Variants in SCN1A observed in about 807,000 individuals in gnomAD.
The protein encoded by SCN1A is sodium channel protein type 1 subunit alpha.
In SCN1A, 13 loss-of-function variants were observed where a neutral mutation model predicts 193.7. That is an observed-to-expected ratio of 0.07 (90% CI 0.04 to 0.11). The LOEUF (loss-of-function observed/expected upper bound fraction) is 0.11, where lower values mean the gene tolerates loss of function less well. Ranked by LOEUF, SCN1A falls within the 10% of genes least tolerant of loss-of-function variation. SCN1A has a pLI of 1.00. For missense variants in SCN1A, 1,432 were observed against 2,451.1 expected (o/e 0.58, Z 8.78); for synonymous variants, 781 against 843.6 (o/e 0.93, Z 1.29).
At position 165,985,895 on chromosome 2, in the gene SCN1A, C is replaced by T. The variant is rs1688580274; in HGVS notation, c.*5350G>A. On this transcript the variant is annotated 3_prime_UTR_variant, in exon 29 of 29. Transcript: ENST00000674923. The stretch of plus-strand genomic sequence containing the variant: ...ACATGAAGAATATGCAATTACCAGA[C>T]ATATTTGCTGTCTTTAGTGCGACAA... 6.6e-6 allele frequency: 1 copy of T among 152,078 alleles called. No individual in the cohort carries two copies. The highest frequency in any genetic ancestry group is 1.5e-5 in the Non-Finnish European group (1 of 67,990). 9.4% of individuals were successfully genotyped at this position (152,078 alleles called of 1,614,324 possible). A position where few individuals can be genotyped will look rare whatever the true frequency, so the allele number is the denominator to read the frequency against.
At chr2:165,999,319 C>T (rs925269278) in intron 25 of SCN1A, among the ~76,000 whole-genome samples, 3 of 151,288 alleles carry the variant, frequency 2.0e-5, no homozygotes, top group Admixed American at 6.6e-5. Context: ...GAACAATATC[C>T]ATAACTTTTC....
chr2:166,094,306 A>C (rs1687143996), intron 2 of SCN1A, among the ~76,000 whole-genome samples: 1 of 152,210 alleles, frequency 6.6e-6, no homozygotes, highest in African/African-American at 2.4e-5. Flanking sequence ...TGAGCCACTT[A>C]ATGAGTTGAG....
intron 2 of SCN1A, among the ~76,000 whole-genome samples, chr2:166,090,029 CTTTTTTTTTT>C (rs545740675): frequency 0.013 from 935 of 71,416 alleles, 8 homozygotes; most frequent in African/African-American, 0.041. Context: ...TCCTTCTTTC[CTTTTTTTTTT>C]TTTTTTTTTT....
intron 2 of SCN1A, among the ~76,000 whole-genome samples, chr2:166,095,899 T>C (rs1687324076): frequency 6.6e-6 from 1 of 152,208 alleles, no homozygotes; most frequent in African/African-American, 2.4e-5. Flanking sequence ...TAATATATTT[T>C]TCCAGGATGT....
At chr2:166,020,370 G>T (rs1034745888) in intron 19 of SCN1A, among the ~76,000 whole-genome samples, 2 of 152,032 alleles carry the variant, frequency 1.3e-5, no homozygotes, top group Non-Finnish European at 2.9e-5. Context: ...CATTCTAATG[G>T]ACTTACTTAC....
At chr2:166,102,873 TA>T (rs1310265101) in intron 2 of SCN1A, among the ~76,000 whole-genome samples, 2 of 152,146 alleles carry the variant, frequency 1.3e-5, no homozygotes, top group Non-Finnish European at 2.9e-5. Context: ...CAGCCATAAA[TA>T]AGAACAAAAG....
intron 20 of SCN1A, among the ~76,000 whole-genome samples, chr2:166,015,362 G>A (rs543648769): frequency 7.9e-5 from 12 of 151,920 alleles, no homozygotes; most frequent in African/African-American, 2.9e-4. Context: ...AAAAATATAA[G>A]TTAGAAGTTT....
At chr2:166,129,069 C>G (rs1691524142), upstream of SCN1A, among the ~76,000 whole-genome samples, 1 of 152,062 alleles carries the variant, frequency 6.6e-6, no homozygotes, top group Non-Finnish European at 1.5e-5. Flanking sequence ...TATCATTTAT[C>G]AATATAACCT....
rs1434950269 is a variant in SCN1A, at chr2:166,043,727, G to A, written c.1985C>T (p.Ser662Leu). The change falls in exon 14 of 29, where the codon TCG (serine) becomes TTG (leucine). Residue 662 changes from serine (S) to leucine (L), a missense_variant. Around this residue, in one of 18 missense-constraint regions of SCN1A, gnomAD observed 316 missense variants for 362.1 expected, o/e 0.87. Transcript: ENST00000674923. Reference sequence around the variant, plus strand: ...CTCTGGCAGAAGCTGTCCAACAGGCGATGTAGGAACTGAAGGTCCACCAAC... The same window carrying A: ...CTCTGGCAGAAGCTGTCCAACAGGCAATGTAGGAACTGAAGGTCCACCAAC... Reference protein sequence around the residue: ...SLVGGPSVPTSPVGQLLPEVI... With the variant: ...SLVGGPSVPTLPVGQLLPEVI... The A allele has an allele frequency of 7.4e-6, 12 of 1,613,966 alleles. No individual in the cohort carries two copies. The highest frequency in any genetic ancestry group is 3.3e-5 in the South Asian group (3 of 91,078).
rs773462315 is a variant in SCN1A at position 166,015,684 on chromosome 2, T to C, written c.3473A>G (p.Asp1158Gly). ...SSSSSEGSTV[D>G]IGAPVEEQPV... ...CTGTTCTTCTACAGGTGCGCCGATG[T>C]CCACAGTGCTACCTTCTGATGAGCT... is the stretch of plus-strand genomic sequence containing the variant. Residue 1158 changes from aspartate (D) to glycine (G), a missense_variant, in exon 20 of 29, where the codon GAC becomes GGC. Physicochemically the swap from Asp to Gly is moderately conservative, Grantham distance 94. Coordinates refer to ENST00000674923, the MANE Select transcript of SCN1A (RefSeq NM_001165963.4). 4 of 1,612,828 alleles carry C rather than the reference T, an allele frequency of 2.5e-6. No individual in the cohort carries two copies. The African/African-American group carries it at 5.3e-5, about 22-fold the overall frequency.
intron 1 of SCN1A, among the ~76,000 whole-genome samples, chr2:166,144,542 T>G (rs536635419): frequency 1.9e-4 from 29 of 152,078 alleles, no homozygotes; most frequent in African/African-American, 7.0e-4. Flanking sequence ...ATTAAGCATA[T>G]GATACGAATA....
rs757085484 is a variant in SCN1A at position 165,988,970 on chromosome 2, AC to A, written c.*2274del. ...CTGCTTGTAATTCTGGGAGGTCATT[AC>A]CCCCTACCTCCAGTGACATATCTAC... On this transcript the variant is annotated 3_prime_UTR_variant, in exon 29 of 29. Transcript: ENST00000674923. 2.0e-5 allele frequency: 3 copies of A among 147,472 alleles called. No homozygotes were observed. The highest frequency in any genetic ancestry group is 4.5e-5 in the Non-Finnish European group (3 of 67,132). The allele number at this position is 147,472 out of a possible 1,614,324, so 9.1% of individuals were successfully genotyped here.
intron 4 of SCN1A, chr2:166,060,677 G>A (rs184584924): frequency 1.3e-5 from 2 of 152,278 alleles, no homozygotes; most frequent in East Asian, 3.9e-4. Context: ...GGCCAACATG[G>A]TGAAACCCCA....
chr2:166,143,530 T>G (rs1229475505), intron 1 of SCN1A, among the ~76,000 whole-genome samples: 2 of 152,176 alleles, frequency 1.3e-5, no homozygotes, highest in Admixed American at 1.3e-4. Flanking sequence ...GGATGTATTT[T>G]GGGGTAAATG....
chr2:166,073,191 C>G lies in SCN1A; in HGVS notation c.264+167G>C, dbSNP rs1176016419. 8.1e-6 allele frequency: 6 copies of G among 738,972 alleles called. No homozygotes were observed. The East Asian group carries it at 1.1e-4, about 13-fold the overall frequency. 45.8% of individuals were successfully genotyped at this position (738,972 alleles called of 1,614,324 possible). ...ACAGTTGCATATGTTATGATATAAT[C>G]AATTCATTTCTCATGTATATGCATA... On this transcript the variant is annotated intron_variant, in intron 4 of 28. Transcript: ENST00000674923.
At chr2:166,127,597 G>A (rs1488996141) in intron 1 of SCN1A, among the ~76,000 whole-genome samples, 174 bp downstream of exon 1, 2 of 151,942 alleles carry the variant, frequency 1.3e-5, no homozygotes, top group Non-Finnish European at 2.9e-5. Flanking sequence ...AGAGGAGGGG[G>A]GAGGGGAGGG....
intron 2 of SCN1A, among the ~76,000 whole-genome samples, chr2:166,115,256 G>T (rs1233602051): frequency 6.6e-6 from 1 of 152,124 alleles, no homozygotes; most frequent in Non-Finnish European, 1.5e-5. Flanking sequence ...CCACTTGGGG[G>T]GCTGAGACAG....
intron 19 of SCN1A, among the ~76,000 whole-genome samples, chr2:166,025,067 T>G (rs1694573531): frequency 6.6e-6 from 1 of 152,204 alleles, no homozygotes; most frequent in Non-Finnish European, 1.5e-5. Flanking sequence ...AATGTATTTG[T>G]TTTCTGTGTC....
At chr2:166,113,669 A>G (rs1170495015) in intron 2 of SCN1A, among the ~76,000 whole-genome samples, 1 of 152,178 alleles carries the variant, frequency 6.6e-6, no homozygotes, top group Non-Finnish European at 1.5e-5. Context: ...GGTTATTGCT[A>G]GAGGGCAAGA....
Sources: gnomAD v4.1 joint callset for allele counts (sites outside exome capture counted in the v4.1 genomes callset) on GRCh38, gnomAD v4.1.1 for gene constraint, gnomAD v4.1.1 regional missense constraint, MANE v1.5 for transcripts, NCBI Gene and HGNC (gene_info 2026-07-23, HGNC 2026-07-21) for gene names.